Variants in GPC6 observed in about 807,000 individuals in gnomAD.
GPC6 encodes glypican 6.
In GPC6, 14 loss-of-function variants were observed where a neutral mutation model predicts 55.2. The observed-to-expected ratio is 0.25, with a 90% CI of 0.17 to 0.40. The LOEUF (loss-of-function observed/expected upper bound fraction) is 0.40, where lower values mean the gene tolerates loss of function less well. Among genes scored for constraint, GPC6 ranks in the 10% least tolerant of loss-of-function variants. GPC6 has a pLI of 1.00. For missense variants in GPC6, 641 were observed against 708.5 expected, an observed-to-expected ratio of 0.90 and a Z score of 1.08; for synonymous variants, 278 against 259.6, an observed-to-expected ratio of 1.07 and a Z score of -0.68.
intron 1 of GPC6, among the ~76,000 whole-genome samples, chr13:93,381,244 A>G (rs568333542): frequency 6.6e-6 from 1 of 152,100 alleles, no homozygotes; most frequent in Admixed American, 6.5e-5. Context: ...AGTGTTTATG[A>G]TGTCTTATTT....
intron 1 of GPC6, among the ~76,000 whole-genome samples, chr13:93,272,942 G>A (rs903934746): frequency 1.3e-5 from 2 of 152,170 alleles, no homozygotes; most frequent in African/African-American, 2.4e-5. Context: ...TCCATAAAAT[G>A]CAGTAAGGTG....
At chr13:94,104,459 G>C (rs1885980952) in intron 4 of GPC6, among the ~76,000 whole-genome samples, 2 of 152,194 alleles carry the variant, frequency 1.3e-5, no homozygotes, top group Non-Finnish European at 2.9e-5. Context: ...AGTGTTGGAA[G>C]TTCTGGCCAG....
chr13:94,074,447 T>C (rs1884840004), intron 4 of GPC6, among the ~76,000 whole-genome samples: 2 of 152,228 alleles, frequency 1.3e-5, no homozygotes, highest in South Asian at 4.1e-4. Context: ...CCCCTTCTGC[T>C]AACTTACAGC....
At chr13:93,691,492 T>C (rs1360816410) in intron 2 of GPC6, among the ~76,000 whole-genome samples, 2 of 147,756 alleles carry the variant, frequency 1.4e-5, no homozygotes, top group Non-Finnish European at 3.0e-5. Flanking sequence ...TTTTTTTTTC[T>C]CTTATCACAT....
the GPC6 span, among the ~76,000 whole-genome samples, chr13:93,220,466 C>T: frequency 3.3e-5 from 5 of 152,132 alleles, no homozygotes; most frequent in African/African-American, 4.8e-5. Context: ...CAAAGTTAGA[C>T]GATCTTTTAT....
At chr13:94,019,442 G>A (rs1213899554) in intron 3 of GPC6, among the ~76,000 whole-genome samples, 1 of 152,180 alleles carries the variant, frequency 6.6e-6, no homozygotes, top group East Asian at 1.9e-4. Context: ...AAGCCAAGAA[G>A]TCGGAACTCA....
chr13:93,589,054 GC>G (rs1877341513), intron 2 of GPC6, among the ~76,000 whole-genome samples: 1 of 152,016 alleles, frequency 6.6e-6, no homozygotes. Flanking sequence ...ACAAACTCCT[GC>G]CAAGTAGTTT....
At chr13:93,419,103 G>T (rs928666393) in intron 1 of GPC6, among the ~76,000 whole-genome samples, 1 of 149,214 alleles carries the variant, frequency 6.7e-6, no homozygotes, top group Non-Finnish European at 1.5e-5. Flanking sequence ...CTACATTATG[G>T]TATTAAAAGC....
intron 6 of GPC6, among the ~76,000 whole-genome samples, chr13:94,365,876 A>G (rs1314064211): frequency 6.6e-6 from 1 of 152,190 alleles, no homozygotes; most frequent in Non-Finnish European, 1.5e-5. Flanking sequence ...ATACACATCT[A>G]TTTCTCAGCT....
chr13:93,532,255 T>A (rs1881896286), intron 1 of GPC6, among the ~76,000 whole-genome samples: 1 of 152,188 alleles, frequency 6.6e-6, no homozygotes, highest in African/African-American at 2.4e-5. Flanking sequence ...AGATTTTCTC[T>A]CAAGATCTTT....
At chr13:94,091,318 T>A (rs190895512) in intron 4 of GPC6, among the ~76,000 whole-genome samples, 1 of 137,242 alleles carries the variant, frequency 7.3e-6, no homozygotes, top group East Asian at 2.1e-4. Flanking sequence ...ACTTGCAACT[T>A]GGAACTTCAG....
chr13:93,439,737 G>A (rs1038831400), intron 1 of GPC6, among the ~76,000 whole-genome samples: 5 of 150,902 alleles, frequency 3.3e-5, no homozygotes, highest in African/African-American at 1.2e-4. Context: ...CAAGCTTCGG[G>A]TGTGTCTTTA....
chr13:94,020,602 C>T (rs1303852978), intron 3 of GPC6, among the ~76,000 whole-genome samples: 1 of 152,166 alleles, frequency 6.6e-6, no homozygotes, highest in Non-Finnish European at 1.5e-5. Context: ...GCTTATCTTA[C>T]AGGCGTCTGT....
chr13:93,809,069 T>G (rs1384011520), intron 2 of GPC6, among the ~76,000 whole-genome samples: 2 of 152,234 alleles, frequency 1.3e-5, no homozygotes, highest in Non-Finnish European at 2.9e-5. Context: ...ATATTCATTT[T>G]AAGAGAACAA....
chr13:94,026,790 G>A (rs557272901), intron 3 of GPC6, among the ~76,000 whole-genome samples: 2 of 152,130 alleles, frequency 1.3e-5, no homozygotes, highest in South Asian at 2.1e-4. Context: ...TTCTTCACAT[G>A]GTGGCAGTGA....
intron 4 of GPC6, among the ~76,000 whole-genome samples, chr13:94,262,133 G>A (rs1015821855): frequency 6.6e-6 from 1 of 152,104 alleles, no homozygotes; most frequent in Non-Finnish European, 1.5e-5. Flanking sequence ...TTCATCAGCT[G>A]AAATGTTTCA....
chr13:93,334,816 A>G (rs1247562665), intron 1 of GPC6, among the ~76,000 whole-genome samples: 1 of 152,172 alleles, frequency 6.6e-6, no homozygotes, highest in African/African-American at 2.4e-5. Context: ...TTATTTATTT[A>G]TATTTTAAAA....
chr13:94,204,884 G>A (rs1889855974), intron 4 of GPC6, among the ~76,000 whole-genome samples: 1 of 151,876 alleles, frequency 6.6e-6, no homozygotes, highest in Non-Finnish European at 1.5e-5. Flanking sequence ...TTATCTCTTA[G>A]AAAACACTTT....
intron 3 of GPC6, among the ~76,000 whole-genome samples, chr13:93,831,286 T>A (rs140584378): frequency 1.4e-4 from 21 of 152,332 alleles, no homozygotes; most frequent in African/African-American, 5.1e-4. Flanking sequence ...ACTTAAACAT[T>A]GAATATTTCC....
Sources: allele counts gnomAD v4.1 joint callset (sites outside exome capture counted in the v4.1 genomes callset), GRCh38; gene constraint gnomAD v4.1.1; transcripts MANE v1.5; gene names NCBI Gene and HGNC (gene_info 2026-07-23, HGNC 2026-07-21).